Variants in NEB observed in about 807,000 individuals in gnomAD.
NEB encodes the protein nemaline myopathy type 2.
A neutral mutation model predicts 952.2 loss-of-function variants in NEB; 512 were observed. The observed-to-expected ratio is 0.54, with a 90% CI of 0.50 to 0.58. NEB has a LOEUF of 0.58. Among genes scored for constraint, NEB ranks in the 20% least tolerant of loss-of-function variants. NEB has a pLI of 0.00. For synonymous variants in NEB, 2,900 were observed against 3,149.8 expected (o/e 0.92, Z 2.66); for missense variants, 8,428 against 9,231.1 (o/e 0.91, Z 3.56).
chr2:151,562,400 C>T (rs2096124216), intron 120 of NEB, among the ~76,000 whole-genome samples, 186 bp from the exon 121 acceptor site: 1 of 152,184 alleles, frequency 6.6e-6, no homozygotes, highest in Non-Finnish European at 1.5e-5. Flanking sequence ...ATGTCTGAGT[C>T]TATTGTGAAA....
chr2:151,722,102 G>T (rs537133652), intron 9 of NEB, among the ~76,000 whole-genome samples: 3 of 152,284 alleles, frequency 2.0e-5, no homozygotes, highest in Admixed American at 6.5e-5. Flanking sequence ...TCCATTAGAA[G>T]TAAATCCCAA....
At chr2:151,635,641 G>A (rs1165739074) in intron 64 of NEB, among the ~76,000 whole-genome samples, 1 of 151,104 alleles carries the variant, frequency 6.6e-6, no homozygotes, top group African/African-American at 2.4e-5. Context: ...AGGGGGCAGA[G>A]GTTGCAGTGA....
chr2:151,716,130 C>CTTTTTTTT, intron 10 of NEB: 4 of 366,050 alleles, frequency 1.1e-5, no homozygotes, highest in South Asian at 2.1e-5. Flanking sequence ...CACTTTCTTT[C>CTTTTTTTT]TTTTTTTTTT....
Position 151,609,933 on chromosome 2 carries a change from A to G in NEB, c.12206T>C (p.Leu4069Pro), listed in dbSNP as rs555310415. The G allele has an allele frequency of 1.4e-5, 22 of 1,614,006 alleles. No homozygotes were observed. The highest frequency in any genetic ancestry group is 1.8e-5 in the Non-Finnish European group (21 of 1,179,870). ...SSPVDMLSIL[L>P]AKKCQTLVTD... Reference sequence around the variant, plus strand: ...GACCAAAGTCTGACATTTCTTGGCCAGCAAGATGCTTAACATGTCCACTGG... The same window carrying G: ...GACCAAAGTCTGACATTTCTTGGCCGGCAAGATGCTTAACATGTCCACTGG... Residue 4069 changes from leucine (L) to proline (P), a missense_variant, in exon 81 of 182, where the codon CTG becomes CCG. Physicochemically the swap from Leu to Pro is moderately conservative, Grantham distance 98 (BLOSUM62 -3). Around this residue, in one of 11 missense-constraint regions of NEB, gnomAD observed 337 missense variants for 297.5 expected, o/e 1.13. Coordinates refer to ENST00000397345, the MANE Select transcript of NEB (RefSeq NM_001164508.2).
intron 169 of NEB, 41 bp from the exon 170 acceptor site, chr2:151,498,393 A>ATCAG (rs1241842579): frequency 2.1e-6 from 3 of 1,422,886 alleles, no homozygotes; most frequent in Non-Finnish European, 2.9e-6. Flanking sequence ...AAAGCAATCA[A>ATCAG]TCAGTCATTT....
At chr2:151,543,573 G>A (rs897083528) in intron 135 of NEB, among the ~76,000 whole-genome samples, 1 of 152,174 alleles carries the variant, frequency 6.6e-6, no homozygotes, top group Admixed American at 6.5e-5. Flanking sequence ...AATTACATAA[G>A]ATCATATAGC....
chr2:151,696,485 G>A (rs2099596896), intron 17 of NEB, among the ~76,000 whole-genome samples, 152 bp downstream of exon 17: 1 of 152,176 alleles, frequency 6.6e-6, no homozygotes, highest in Admixed American at 6.5e-5. Context: ...AGAAAATGCA[G>A]AAATATATTT....
rs776290928 is a variant in NEB at position 151,630,774 on chromosome 2, T to C, written c.9664A>G (p.Ile3222Val). ...ATAATCTCTGGTGTATCAGGCATTA[T>C]GTGAATTTGAGTCTTGTCTTTGTCC... ...AWDKDKTQIHIMPDTPEIMLA... is the reference protein window; with the variant it reads ...AWDKDKTQIHVMPDTPEIMLA... The change falls in exon 67 of 182, where the codon ATA (isoleucine) becomes GTA (valine). Residue 3222 changes from isoleucine (I) to valine (V), a missense_variant. By Grantham distance (29) the Ile-to-Val change is conservative. Coordinates refer to ENST00000397345, the MANE Select transcript of NEB (RefSeq NM_001164508.2). 1 of 1,612,092 alleles carries C rather than the reference T, an allele frequency of 6.2e-7. No homozygotes were observed. Among genetic ancestry groups the C allele is most frequent in the Non-Finnish European group, 8.5e-7 (1 of 1,178,982 alleles).
intron 29 of NEB, among the ~76,000 whole-genome samples, chr2:151,681,395 G>C (rs1461772959): frequency 6.6e-6 from 1 of 152,208 alleles, no homozygotes; most frequent in Non-Finnish European, 1.5e-5. Flanking sequence ...GCACTGCAGA[G>C]GAGACCCTGG....
At chr2:151,536,018 C>T (rs1327717892) in intron 141 of NEB, among the ~76,000 whole-genome samples, 4 of 152,140 alleles carry the variant, frequency 2.6e-5, no homozygotes, top group Non-Finnish European at 5.9e-5. Context: ...TCGATCTTCC[C>T]ACCTCAGCCT....
At chr2:151,663,417 A>G (rs1370717584) in intron 45 of NEB, 131 bp downstream of exon 45, 2 of 894,128 alleles carry the variant, frequency 2.2e-6, no homozygotes, top group Non-Finnish European at 3.3e-6. Flanking sequence ...AATCTAAGGT[A>G]ACAAATGAAA....
At chr2:151,619,309 C>A in intron 73 of NEB, 142 bp downstream of exon 73, 1 of 935,190 alleles carries the variant, frequency 1.1e-6, no homozygotes, top group South Asian at 2.0e-5. Flanking sequence ...GTAGTACCTC[C>A]AATGGGAAAC....
Position 151,710,450 on chromosome 2 carries a change from G to A in NEB, c.911C>T (p.Ala304Val), listed in dbSNP as rs765974045. 3.7e-6 allele frequency: 6 copies of A among 1,610,948 alleles called. No individual in the cohort carries two copies. The highest frequency in any genetic ancestry group is 4.2e-6 in the Non-Finnish European group (5 of 1,177,592). The part of the protein sequence containing the change: ...CFEVANARMN[A>V]DNISTRKYQE... ...CCACTTAACTGTGCTAATGTTATCA[G>A]CATTCATTCTGGCATTTGCAACTTC... The change falls in exon 11 of 182, where the codon GCT (alanine) becomes GTT (valine). Residue 304 changes from alanine to valine, a missense_variant. Physicochemically the swap from Ala to Val is moderately conservative, Grantham distance 64 (BLOSUM62 0). Coordinates refer to ENST00000397345, the MANE Select transcript of NEB (RefSeq NM_001164508.2).
rs766760636 is a variant in NEB at position 151,697,414 on chromosome 2, T to A, written c.1301A>T (p.Tyr434Phe). ...GTATGGATCCTCGAAGCTGCCTACA[T>A]AATGTCCCAAAATATCTTTTAAGTA... Reference protein sequence around the residue: ...DSYLKDILGHYVGSFEDPYHS... With the variant: ...DSYLKDILGHFVGSFEDPYHS... Residue 434 changes from tyrosine (Y) to phenylalanine (F), a missense_variant, in exon 15 of 182, where the codon TAT becomes TTT. Physicochemically the swap from Tyr to Phe is conservative, Grantham distance 22. Coordinates refer to ENST00000397345, the MANE Select transcript of NEB (RefSeq NM_001164508.2). The A allele has an allele frequency of 6.2e-7, 1 of 1,613,960 alleles. No homozygotes were observed.
Position 151,677,759 on chromosome 2 carries a change from C to T in NEB, c.3580G>A (p.Glu1194Lys). Residue 1194 changes from glutamate to lysine, a missense_variant, in exon 34 of 182, where the codon GAA (glutamate) becomes AAA (lysine). By Grantham distance (56) the Glu-to-Lys change is moderately conservative. This residue lies in a region of NEB where 2,851 missense variants were observed against 2,791.5 expected (regional missense o/e 1.02). Transcript: ENST00000397345. ...MQIQSDNVYK[E>K]DYNNWMKGIG... The stretch of plus-strand genomic sequence containing the variant: ...CCTTTCATCCAGTTGTTGTAGTCTT[C>T]CTTGTAGACGTTCTACAGCAATGGA... 1.2e-6 allele frequency: 2 copies of T among 1,613,936 alleles called. No individual in the cohort carries two copies. The highest frequency in any genetic ancestry group is 2.2e-5 in the South Asian group (2 of 91,060).
chr2:151,502,958 G>A (rs2065876267), intron 166 of NEB, 73 bp from the exon 167 acceptor site: 1 of 896,700 alleles, frequency 1.1e-6, no homozygotes, highest in Non-Finnish European at 1.8e-6. Flanking sequence ...GGAAATGGGG[G>A]AAGGGGTTAT....
At chr2:151,615,917 TA>T in intron 76 of NEB, 84 bp downstream of exon 76, 2 of 1,057,692 alleles carry the variant, frequency 1.9e-6, no homozygotes, top group Non-Finnish European at 2.8e-6. Flanking sequence ...TAGGGGTAAC[TA>T]AATTTCTAGC....
At chr2:151,638,906 T>G (rs2098810961) in intron 63 of NEB, among the ~76,000 whole-genome samples, 1 of 152,134 alleles carries the variant, frequency 6.6e-6, no homozygotes, top group Non-Finnish European at 1.5e-5. Context: ...ATCTTAAATT[T>G]GGATCCTAAA....
At position 151,644,071 on chromosome 2, in the gene NEB, A is replaced by G. The variant is rs547589562; in HGVS notation, c.7703T>C (p.Ile2568Thr). 3.7e-6 allele frequency: 6 copies of G among 1,613,906 alleles called. No homozygotes were observed. Among genetic ancestry groups the G allele is most frequent in the East Asian group, 4.5e-5 (2 of 44,876 alleles). Residue 2568 changes from isoleucine (I) to threonine (T), a missense_variant, in exon 57 of 182, where the codon ATT becomes ACT. Transcript: ENST00000397345. ...CCACATCATCTTGGGGTCATCTTCAATGTTCCGGGCACCAATGTGGTGGCC... is the reference window on the plus strand; with the variant it reads ...CCACATCATCTTGGGGTCATCTTCAGTGTTCCGGGCACCAATGTGGTGGCC... ...QLGHHIGARNIEDDPKMMWSM... is the reference protein window; with the variant it reads ...QLGHHIGARNTEDDPKMMWSM...
Sources: gnomAD v4.1 joint callset for allele counts (sites outside exome capture counted in the v4.1 genomes callset) on GRCh38, gnomAD v4.1.1 for gene constraint, gnomAD v4.1.1 regional missense constraint, MANE v1.5 for transcripts, NCBI Gene and HGNC (gene_info 2026-07-23, HGNC 2026-07-21) for gene names.